The following USP9X variants were observed in gnomAD, a reference collection of about 807,000 sequenced individuals.
USP9X encodes the protein ubiquitin carboxyl-terminal hydrolase 9X.
USP9X carries 7 observed loss-of-function variants against 190.3 expected under a neutral mutation model. The ratio of observed to expected loss-of-function variants is 0.04; its 90% CI spans 0.02 to 0.07. The LOEUF (loss-of-function observed/expected upper bound fraction) is 0.07. Among genes scored for constraint, USP9X ranks in the 10% least tolerant of loss-of-function variants. The pLI is 1.00. For synonymous variants in USP9X, 645 were observed against 659.5 expected (o/e 0.98, Z 0.34); for missense variants, 1,010 against 1,916.9 (o/e 0.53, Z 8.83).
chrX:41,215,802 A>G (rs1602045466), intron 34 of USP9X, 97 bp from the exon 35 acceptor site: 7 of 878,669 alleles, frequency 8.0e-6, no homozygotes, highest in South Asian at 2.8e-5. Flanking sequence ...AAAAATTCAG[A>G]TAAGTCTTAA....
intron 5 of USP9X, among the ~76,000 whole-genome samples, chrX:41,136,543 G>A (rs1217026480): frequency 1.8e-5 from 2 of 112,209 alleles, no homozygotes; most frequent in Non-Finnish European, 3.8e-5. Flanking sequence ...CATCTTACCT[G>A]TGGACGTAGA....
At chrX:41,157,590 ATTTCCCATAGTCATATTTCTG>A (rs993950104) in intron 14 of USP9X, among the ~76,000 whole-genome samples, 3 of 111,277 alleles carry the variant, frequency 2.7e-5, no homozygotes, top group East Asian at 2.8e-4. Flanking sequence ...CATAGCCCTT[ATTTCCCATAGTCATATTTCTG>A]TTTCCCATAG....
At chrX:41,220,685 G>A (rs2063253281) in intron 38 of USP9X, among the ~76,000 whole-genome samples, 3 of 112,345 alleles carry the variant, frequency 2.7e-5, no homozygotes, top group South Asian at 7.2e-4. Context: ...TGGGCGAGGT[G>A]GCTCATGCCT....
At chrX:41,095,039 G>A (rs1230687560) in intron 1 of USP9X, among the ~76,000 whole-genome samples, 5 of 98,495 alleles carry the variant, frequency 5.1e-5, no homozygotes, top group African/African-American at 1.9e-4. Flanking sequence ...GCGAGACTCC[G>A]TCTCAAAAAA....
rs2062662295 is a variant in USP9X at position 41,164,479 on chromosome X, T to C, written c.1986-1393T>C. ...TGTGTTATATGTCTCTTAGGTTTAC[T>C]AGAACAGAAAAGTGGTTTCAAGCCT... On this transcript the variant is annotated intron_variant, in intron 15 of 44. Coordinates refer to ENST00000378308, the MANE Select transcript of USP9X (RefSeq NM_001039591.3). Among the ~76,000 whole-genome samples, 3 of 111,502 alleles carry C rather than the reference T, an allele frequency of 2.7e-5. 1 individual carries two copies. In the South Asian group the frequency reaches 1.1e-3, roughly 41 times the overall value.
intron 1 of USP9X, among the ~76,000 whole-genome samples, chrX:41,119,495 G>T (rs915519907): frequency 1.8e-5 from 2 of 111,445 alleles, no homozygotes; most frequent in Admixed American, 9.5e-5. Context: ...AGCACAGGCT[G>T]GGAAAAGATT....
At chrX:41,198,411 TG>T in intron 29 of USP9X, 116 bp from the exon 30 acceptor site, 1 of 370,960 alleles carries the variant, frequency 2.7e-6, no homozygotes, top group South Asian at 6.5e-5. Context: ...TTTTCTGAGA[TG>T]TAATGAGATC....
chrX:41,131,400 T>C, intron 3 of USP9X, 57 bp from the exon 4 acceptor site: 1 of 936,221 alleles, frequency 1.1e-6, no homozygotes, highest in Non-Finnish European at 1.5e-6. Context: ...AGCTCATTTG[T>C]AGTGCCTCTT....
chrX:41,134,185 A>T (rs2062350735), intron 4 of USP9X, among the ~76,000 whole-genome samples: 1 of 112,239 alleles, frequency 8.9e-6, no homozygotes, highest in Non-Finnish European at 1.9e-5. Context: ...CTTTCTGTAC[A>T]AATTGAATAG....
intron 11 of USP9X, among the ~76,000 whole-genome samples, chrX:41,147,745 G>T (rs2062482993): frequency 8.9e-6 from 1 of 112,137 alleles, no homozygotes; most frequent in South Asian, 3.7e-4. Flanking sequence ...GAGCCACCGT[G>T]CCCGGTCAGC....
intron 33 of USP9X, among the ~76,000 whole-genome samples, chrX:41,212,223 T>C (rs373757785): frequency 1.8e-5 from 2 of 108,969 alleles, no homozygotes; most frequent in Admixed American, 9.7e-5. Context: ...GGATTAAGGG[T>C]GGTGCAAGAT....
At chrX:41,133,483 C>T (rs985152535) in intron 4 of USP9X, among the ~76,000 whole-genome samples, 1 of 111,554 alleles carries the variant, frequency 9.0e-6, no homozygotes, top group African/African-American at 3.3e-5. Flanking sequence ...AAGCATTTAT[C>T]CTTTGTGTTT....
In USP9X at chrX:41,110,033, C is replaced by T. The variant is rs1393996415; in HGVS notation, c.-158-13438C>T. Among the ~76,000 whole-genome samples, 7 of 111,325 alleles carry T rather than the reference C, an allele frequency of 6.3e-5. No individual in the cohort carries two copies. In the East Asian group the frequency reaches 2.0e-3, roughly 31 times the overall value. On this transcript the variant is annotated intron_variant, in intron 1 of 44. Transcript: ENST00000378308. Reference sequence around the variant, plus strand: ...CCTTAACATGAACCTCCTCATTTAACACACTCTGTCAGAGGGAGAGATCCC... The same window carrying T: ...CCTTAACATGAACCTCCTCATTTAATACACTCTGTCAGAGGGAGAGATCCC...
chrX:41,089,905 T>TTTTTTG (rs2061942221), intron 1 of USP9X, among the ~76,000 whole-genome samples: 1 of 13,565 alleles, frequency 7.4e-5, no homozygotes, highest in African/African-American at 2.3e-4. Flanking sequence ...CTATGAGGGT[T>TTTTTTG]TTTTTTTTTT....
chrX:41,183,896 G>T (rs2062849830), intron 21 of USP9X, 102 bp from the exon 22 acceptor site: 1 of 999,296 alleles, frequency 1.0e-6, no homozygotes, highest in East Asian at 3.4e-5. Flanking sequence ...GCCCAACTGA[G>T]TGGATTGTTA....
At position 41,232,461 on chromosome X, in the gene USP9X, A is replaced by G. The variant is rs2063369398; in HGVS notation, c.7602A>G (p.Gln2534=). 4.1e-6 allele frequency: 5 copies of G among 1,211,655 alleles called. No homozygotes were observed. The highest frequency in any genetic ancestry group is 1.8e-5 in the South Asian group (1 of 56,950). ...TGAACAACCCTCAGAGAACTGGCCA[A>G]CGAGCACAAGAAAATTATGAAGGCA... ...HHMNNPQRTG[Q]RAQENYEGSE... The change falls in exon 45 of 45, where the codon CAA becomes CAG. Residue 2534 remains glutamine, a synonymous_variant. Coordinates refer to ENST00000378308, the MANE Select transcript of USP9X (RefSeq NM_001039591.3).
At chrX:41,230,717 T>C (rs2063353154) in intron 44 of USP9X, 121 bp downstream of exon 44, 2 of 582,043 alleles carry the variant, frequency 3.4e-6, no homozygotes, top group South Asian at 6.8e-5. Context: ...TAGACTAGCT[T>C]TGGGAGCATG....
chrX:41,107,488 T>C (rs186754791), intron 1 of USP9X, among the ~76,000 whole-genome samples: 1 of 112,537 alleles, frequency 8.9e-6, no homozygotes, highest in African/African-American at 3.2e-5. Context: ...CTTTTGACAG[T>C]TGATGATGTT....
At chrX:41,205,203 C>A in intron 31 of USP9X, 100 bp from the exon 32 acceptor site, 2 of 629,580 alleles carry the variant, frequency 3.2e-6, no homozygotes, top group Non-Finnish European at 4.7e-6. Context: ...TGGAAATGAG[C>A]ATAATAGGAA....
Sources: gnomAD v4.1 joint callset for allele counts (sites outside exome capture counted in the v4.1 genomes callset) on GRCh38, gnomAD v4.1.1 for gene constraint, MANE v1.5 for transcripts, NCBI Gene and HGNC (gene_info 2026-07-23, HGNC 2026-07-21) for gene names.